TBCK: variants seen among roughly 807,000 people sequenced by gnomAD.
TBCK encodes TBC1 domain containing kinase, also known as TBC domain-containing protein kinase-like protein.
Under a neutral mutation model 113.4 loss-of-function variants are expected in TBCK, and 99 were observed. That is an observed-to-expected ratio of 0.87 (90% CI 0.74 to 1.03). TBCK has a LOEUF of 1.03. Among genes scored for constraint, TBCK ranks in the 50% least tolerant of loss-of-function variants. The probability of loss-of-function intolerance (pLI) is 0.00; values close to 1 mark genes in which losing one functional copy is unlikely to be tolerated. For missense variants in TBCK, 1,045 were observed against 1,061.3 expected (o/e 0.98, Z 0.21); for synonymous variants, 369 against 370.8 (o/e 1.00, Z 0.05).
chr4:106,142,273 A>AC lies in TBCK; in HGVS notation c.2236-25896_2236-25895insG, dbSNP rs948115737. Among the ~76,000 whole-genome samples the AC allele has an allele frequency of 4.6e-5, 7 of 152,114 alleles. 1 individual carries two copies. Among genetic ancestry groups the AC allele is most frequent in the Admixed American group, 4.6e-4 (7 of 15,266 alleles). On this transcript the variant is annotated intron_variant, in intron 23 of 25. Transcript: ENST00000394708. ...GTTTAGCAGGGTTTTTAAGTTGCTC[A>AC]TTTTTGGTTTGGAGAACAAAGGATG...
At chr4:106,109,895 C>T (rs943709459) in intron 24 of TBCK, among the ~76,000 whole-genome samples, 3 of 152,150 alleles carry the variant, frequency 2.0e-5, no homozygotes, top group East Asian at 1.9e-4. Flanking sequence ...CCTTCTTGGA[C>T]GTCCAGGAGG....
intron 1 of TBCK, among the ~76,000 whole-genome samples, chr4:106,309,244 A>G (rs1767892489): frequency 6.6e-6 from 1 of 151,578 alleles, no homozygotes; most frequent in Non-Finnish European, 1.5e-5. Context: ...ATGACATTTG[A>G]CAGTTTAAAG....
intron 3 of TBCK, among the ~76,000 whole-genome samples, chr4:106,285,069 G>T (rs995586689): frequency 1.3e-5 from 2 of 152,062 alleles, no homozygotes; most frequent in African/African-American, 2.4e-5. Context: ...AAACTGAAGA[G>T]AAATGCTGGC....
chr4:106,291,351 A>T (rs1765691527), intron 3 of TBCK, among the ~76,000 whole-genome samples: 1 of 152,236 alleles, frequency 6.6e-6, no homozygotes, highest in Non-Finnish European at 1.5e-5. Context: ...AGACCCCATG[A>T]TGAGACAGCA....
At position 106,043,574 on chromosome 4, in the gene TBCK, G is replaced by T. The variant is rs564814194; in HGVS notation, c.*2996C>A. On this transcript the variant is annotated 3_prime_UTR_variant, in exon 26 of 26. Coordinates refer to ENST00000394708, the MANE Select transcript of TBCK (RefSeq NM_001163435.3). ...AATAGGGGACTAAATGTAAACAAACGATTGCAAAATGATGTAATAAATCTA... is the reference window on the plus strand; with the variant it reads ...AATAGGGGACTAAATGTAAACAAACTATTGCAAAATGATGTAATAAATCTA... 11 of 152,256 alleles carry T rather than the reference G, an allele frequency of 7.2e-5. No homozygotes were observed. The highest frequency in any genetic ancestry group is 2.6e-4 in the African/African-American group (11 of 41,550). The allele number at this position is 152,256 out of a possible 1,614,324, so 9.4% of individuals were successfully genotyped here.
chr4:106,047,126 C>T (rs1190998087), intron 25 of TBCK, among the ~76,000 whole-genome samples: 3 of 152,012 alleles, frequency 2.0e-5, no homozygotes, highest in African/African-American at 4.8e-5. Context: ...ACTTCAATGT[C>T]CCACAGAGAG....
At chr4:106,209,912 T>C (rs1299289357) in intron 20 of TBCK, among the ~76,000 whole-genome samples, 2 of 152,134 alleles carry the variant, frequency 1.3e-5, no homozygotes, top group Non-Finnish European at 2.9e-5. Context: ...ATTCTTTCTA[T>C]GTTCTTTCTG....
At chr4:106,314,229 G>T (rs924012614) in intron 1 of TBCK, among the ~76,000 whole-genome samples, 1 of 152,150 alleles carries the variant, frequency 6.6e-6, no homozygotes, top group African/African-American at 2.4e-5. Flanking sequence ...GAAAAAGGTA[G>T]AATCACTACT....
intron 1 of TBCK, chr4:106,310,619 G>C (rs1768097557): frequency 6.6e-6 from 1 of 152,158 alleles, no homozygotes; most frequent in African/African-American, 2.4e-5. Flanking sequence ...CACAATTCCG[G>C]AATTTGTAGG....
At chr4:106,285,055 A>C (rs1764981510) in intron 3 of TBCK, among the ~76,000 whole-genome samples, 1 of 152,162 alleles carries the variant, frequency 6.6e-6, no homozygotes, top group East Asian at 1.9e-4. Context: ...TGATCATTTA[A>C]CTTAAACTGA....
chr4:106,093,439 G>T (rs1478042082), intron 25 of TBCK, among the ~76,000 whole-genome samples: 1 of 152,150 alleles, frequency 6.6e-6, no homozygotes, highest in Non-Finnish European at 1.5e-5. Context: ...TCTGGGAGAT[G>T]GAGCTTGTAG....
chr4:106,309,260 A>C (rs192107054), intron 1 of TBCK, among the ~76,000 whole-genome samples: 1 of 150,028 alleles, frequency 6.7e-6, no homozygotes, highest in Non-Finnish European at 1.5e-5. Context: ...TAAAGAGTAG[A>C]GGAAGTTTGT....
chr4:106,124,997 A>AT (rs1198913319), intron 23 of TBCK, among the ~76,000 whole-genome samples: 2 of 131,976 alleles, frequency 1.5e-5, no homozygotes, highest in Non-Finnish European at 3.3e-5. Flanking sequence ...AACTTAAAGT[A>AT]TAAAAAAAAA....
At chr4:106,270,263 T>C (rs191238946) in intron 3 of TBCK, among the ~76,000 whole-genome samples, 203 of 152,308 alleles carry the variant, frequency 1.3e-3, no homozygotes, top group African/African-American at 4.6e-3. Context: ...AACTTCTCTG[T>C]GAGAATAAAA....
At chr4:106,079,369 G>T (rs976119086) in intron 25 of TBCK, among the ~76,000 whole-genome samples, 2 of 152,206 alleles carry the variant, frequency 1.3e-5, no homozygotes, top group Admixed American at 6.5e-5. Flanking sequence ...AATAGGAAAA[G>T]AGGAAGTCAA....
intron 3 of TBCK, among the ~76,000 whole-genome samples, chr4:106,279,698 C>T (rs1159195749): frequency 6.6e-6 from 1 of 152,052 alleles, no homozygotes; most frequent in Non-Finnish European, 1.5e-5. Context: ...TCTTTCTGTC[C>T]CTGGCTTATA....
chr4:106,283,020 A>G (rs1254528961), intron 3 of TBCK, among the ~76,000 whole-genome samples: 3 of 152,276 alleles, frequency 2.0e-5, no homozygotes, highest in Admixed American at 6.5e-5. Flanking sequence ...TCCTCTAACC[A>G]TATCATTTTA....
chr4:106,243,252 C>T (rs1236713500), intron 11 of TBCK, among the ~76,000 whole-genome samples: 1 of 152,056 alleles, frequency 6.6e-6, no homozygotes, highest in Non-Finnish European at 1.5e-5. Context: ...ACCCTTTGTT[C>T]ATGCAGTTTC....
chr4:106,249,128 CT>C, intron 7 of TBCK, 146 bp from the exon 8 acceptor site: 1 of 530,944 alleles, frequency 1.9e-6, no homozygotes, highest in Non-Finnish European at 3.3e-6. Flanking sequence ...TGTTAAATTT[CT>C]TTACATGTTT....
Sources: gnomAD v4.1 joint callset for allele counts (sites outside exome capture counted in the v4.1 genomes callset) on GRCh38, gnomAD v4.1.1 for gene constraint, MANE v1.5 for transcripts, NCBI Gene and HGNC (gene_info 2026-07-23, HGNC 2026-07-21) for gene names.